Variants in DHCR24 observed in about 807,000 individuals in gnomAD.
The protein encoded by DHCR24 is delta(24)-sterol reductase.
Under a neutral mutation model 61.2 loss-of-function variants are expected in DHCR24, and 28 were observed. The ratio of observed to expected loss-of-function variants is 0.46; its 90% CI spans 0.34 to 0.63. DHCR24 has a LOEUF of 0.63. Ranked by LOEUF, DHCR24 falls within the 20% of genes least tolerant of loss-of-function variation. The pLI is 0.01. For synonymous variants in DHCR24, 261 were observed against 275.9 expected, an observed-to-expected ratio of 0.95 and a Z score of 0.54; for missense variants, 538 against 679.1, an observed-to-expected ratio of 0.79 and a Z score of 2.31.
chr1:54,876,057 C>T lies in DHCR24; in HGVS notation c.388-10G>A. 6.2e-7 allele frequency: 1 copy of T among 1,611,434 alleles called. No individual in the cohort carries two copies. The highest frequency in any genetic ancestry group is 1.1e-5 in the South Asian group (1 of 91,026). The stretch of plus-strand genomic sequence containing the variant: ...GCTCCACACGGACAATCTGTTGACA[C>T]AAGAAAAGAGACCCTGGGTCAAAAG... On this transcript the variant is annotated splice_polypyrimidine_tract_variant and intron_variant, in intron 2 of 8. Transcript: ENST00000371269.
intron 2 of DHCR24, among the ~76,000 whole-genome samples, chr1:54,879,322 G>GAAAAA (rs58945175): frequency 5.5e-5 from 6 of 108,536 alleles, no homozygotes; most frequent in African/African-American, 1.9e-4. Context: ...GACTCCATCT[G>GAAAAA]AAAAAAAAAA....
intron 5 of DHCR24, 37 bp downstream of exon 5, chr1:54,871,313 C>T: frequency 6.2e-7 from 1 of 1,612,210 alleles, no homozygotes; most frequent in African/African-American, 1.3e-5. Context: ...TCATGCCTCC[C>T]CAGTCTTGGT....
At chr1:54,862,002 G>A (rs1646940915) in intron 6 of DHCR24, among the ~76,000 whole-genome samples, 1 of 152,120 alleles carries the variant, frequency 6.6e-6, no homozygotes, top group South Asian at 2.1e-4. Flanking sequence ...GTAGCCATTA[G>A]TACTGCTTCC....
In DHCR24 at chr1:54,852,332, C is replaced by T; in HGVS notation, c.1452G>A (p.Met484Ile). The T allele has an allele frequency of 1.2e-6, 2 of 1,614,218 alleles. No homozygotes were observed. Among genetic ancestry groups the T allele is most frequent in the Admixed American group, 1.7e-5 (1 of 60,036 alleles). ...GCTTGTGGTACAAGGAGCCATCAAA[C>T]ATCTCCCAGAACTCCTCCCGGTTCA... The part of the protein sequence containing the change: ...CYMNREEFWE[M>I]FDGSLYHKLR... The change falls in exon 9 of 9, where the codon ATG (methionine) becomes ATA (isoleucine). Residue 484 changes from methionine to isoleucine, a missense_variant. Transcript: ENST00000371269.
At chr1:54,879,321 T>TGG (rs796213626) in intron 2 of DHCR24, among the ~76,000 whole-genome samples, 307 of 11,586 alleles carry the variant, frequency 0.026, 17 homozygotes, top group Non-Finnish European at 0.03. Flanking sequence ...AGACTCCATC[T>TGG]GAAAAAAAAA....
At chr1:54,876,982 T>C (rs1376324603) in intron 2 of DHCR24, among the ~76,000 whole-genome samples, 3 of 151,786 alleles carry the variant, frequency 2.0e-5, no homozygotes, top group Non-Finnish European at 4.4e-5. Flanking sequence ...CGGGGACAAC[T>C]TGAAGCAGGG....
In DHCR24 at chr1:54,871,484, G is replaced by A. The variant is rs762174947; in HGVS notation, c.742C>T (p.Leu248=). The A allele has an allele frequency of 1.2e-6, 2 of 1,614,224 alleles. No homozygotes were observed. Among genetic ancestry groups the A allele is most frequent in the Non-Finnish European group, 8.5e-7 (1 of 1,180,026 alleles). ...GTGAACTTGGCACAGATAGCCTCCA[G>A]GCCCCGCACTGGCTCGAAACGCAGC... ...VKLRFEPVRG[L]EAICAKFTHE... is the part of the protein sequence containing the mutation. Residue 248 remains leucine (L), a synonymous_variant, in exon 5 of 9, where the codon CTG becomes TTG. Transcript: ENST00000371269.
intron 1 of DHCR24, among the ~76,000 whole-genome samples, chr1:54,885,614 T>C (rs374154666): frequency 6.6e-6 from 1 of 152,138 alleles, no homozygotes; most frequent in Non-Finnish European, 1.5e-5. Flanking sequence ...AGGATGGCAA[T>C]GGCACATGGC....
At position 54,865,294 on chromosome 1, in the gene DHCR24, A is replaced by T; in HGVS notation, c.1020+9T>A. 1 of 1,611,804 alleles carries T rather than the reference A, an allele frequency of 6.2e-7. No homozygotes were observed. The highest frequency in any genetic ancestry group is 8.5e-7 in the Non-Finnish European group (1 of 1,179,064). On this transcript the variant is annotated intron_variant, in intron 6 of 8. Coordinates refer to ENST00000371269, the MANE Select transcript of DHCR24 (RefSeq NM_014762.4). ...GGAGGAGCCAGGGCTACAGAAACCT[A>T]AGCCTCACCTGGAGCTCCCAGAAGA...
intron 6 of DHCR24, among the ~76,000 whole-genome samples, chr1:54,860,641 T>A (rs1395726711): frequency 6.6e-6 from 1 of 151,862 alleles, no homozygotes; most frequent in Non-Finnish European, 1.5e-5. Context: ...AATCCCATCA[T>A]CCTTGGTTCC....
chr1:54,879,551 A>G (rs1362767633), intron 2 of DHCR24, among the ~76,000 whole-genome samples: 1 of 152,170 alleles, frequency 6.6e-6, no homozygotes, highest in Non-Finnish European at 1.5e-5. Context: ...GCTGTAGAAC[A>G]ACTTGAAATG....
intron 5 of DHCR24, among the ~76,000 whole-genome samples, chr1:54,870,393 A>T (rs1646991594): frequency 6.6e-6 from 1 of 152,218 alleles, no homozygotes. Flanking sequence ...TTTCAAAAAA[A>T]TCCATACAGA....
chr1:54,876,713 A>T (rs914146395), intron 2 of DHCR24, among the ~76,000 whole-genome samples: 4 of 151,914 alleles, frequency 2.6e-5, no homozygotes, highest in African/African-American at 9.7e-5. Flanking sequence ...TGTTAATAAC[A>T]CAGTGTATTT....
chr1:54,862,349 C>A (rs1646943486), intron 6 of DHCR24, among the ~76,000 whole-genome samples: 1 of 152,318 alleles, frequency 6.6e-6, no homozygotes, highest in East Asian at 1.9e-4. Context: ...CAAGGATTCA[C>A]CCCTATTGCT....
At chr1:54,882,712 A>G (rs188276689) in intron 2 of DHCR24, among the ~76,000 whole-genome samples, 2 of 152,252 alleles carry the variant, frequency 1.3e-5, no homozygotes, top group African/African-American at 4.8e-5. Flanking sequence ...TGAATCTCCA[A>G]ATAAAGATGT....
intron 2 of DHCR24, among the ~76,000 whole-genome samples, chr1:54,879,633 A>C (rs996880948): frequency 6.6e-6 from 1 of 152,178 alleles, no homozygotes; most frequent in African/African-American, 2.4e-5. Context: ...ATGGCCCCCA[A>C]ATTTCCTGAT....
intron 6 of DHCR24, among the ~76,000 whole-genome samples, chr1:54,859,324 C>T (rs1646923583): frequency 6.6e-6 from 1 of 151,882 alleles, no homozygotes; most frequent in African/African-American, 2.4e-5. Flanking sequence ...CCCAGATCAG[C>T]CACTCCCAAA....
At chr1:54,867,265 G>C (rs1029008068) in intron 5 of DHCR24, among the ~76,000 whole-genome samples, 14 of 152,254 alleles carry the variant, frequency 9.2e-5, no homozygotes, top group African/African-American at 3.1e-4. Context: ...AGTGCCTGCA[G>C]AGGGCCCATC....
intron 6 of DHCR24, 33 bp from the exon 7 acceptor site, chr1:54,854,267 A>C (rs931458338): frequency 6.3e-7 from 1 of 1,594,712 alleles, no homozygotes; most frequent in Admixed American, 1.7e-5. Context: ...GGAGAGAAAA[A>C]AACCAACAAG....
Sources: gnomAD v4.1 joint callset for allele counts (sites outside exome capture counted in the v4.1 genomes callset) on GRCh38, gnomAD v4.1.1 for gene constraint, MANE v1.5 for transcripts, NCBI Gene and HGNC (gene_info 2026-07-23, HGNC 2026-07-21) for gene names.